ADCY5: variants seen among roughly 807,000 people sequenced by gnomAD.
ADCY5 encodes adenylate cyclase 5, also known as adenylate cyclase type 5.
A neutral mutation model predicts 119.7 loss-of-function variants in ADCY5; 30 were observed. The ratio of observed to expected loss-of-function variants is 0.25; its 90% CI spans 0.19 to 0.34. ADCY5 has a LOEUF of 0.34. ADCY5 is among the 10% of genes least tolerant of loss of function. The pLI is 1.00. For synonymous variants in ADCY5, 753 were observed against 762.2 expected (o/e 0.99, Z 0.20); for missense variants, 1,324 against 1,775.2 (o/e 0.75, Z 4.57).
intron 2 of ADCY5, among the ~76,000 whole-genome samples, chr3:123,349,432 C>T (rs1942730251): frequency 6.6e-6 from 1 of 152,196 alleles, no homozygotes; most frequent in East Asian, 1.9e-4. Flanking sequence ...TGCCCACATG[C>T]AGTTCTCGCC....
intron 1 of ADCY5, among the ~76,000 whole-genome samples, chr3:123,402,855 GA>G (rs79391092): frequency 0.022 from 2,299 of 104,092 alleles, 26 homozygotes; most frequent in Middle Eastern, 0.065. Flanking sequence ...TCAGTCTCAG[GA>G]AAAAAAAAAA....
intron 8 of ADCY5, among the ~76,000 whole-genome samples, chr3:123,321,563 G>A (rs752930770): frequency 6.6e-5 from 10 of 152,158 alleles, no homozygotes; most frequent in Non-Finnish European, 1.2e-4. Flanking sequence ...TGGTGCGGAA[G>A]GTGACAAGTA....
intron 1 of ADCY5, among the ~76,000 whole-genome samples, chr3:123,427,048 T>G (rs960505078): frequency 6.6e-6 from 1 of 152,142 alleles, no homozygotes; most frequent in Non-Finnish European, 1.5e-5. Flanking sequence ...ATCTCCTGAT[T>G]GGGGGACATT....
At chr3:123,388,189 T>C (rs1432656949) in intron 1 of ADCY5, among the ~76,000 whole-genome samples, 1 of 151,974 alleles carries the variant, frequency 6.6e-6, no homozygotes, top group Non-Finnish European at 1.5e-5. Flanking sequence ...CAGAGCTAAG[T>C]AAAAGGCTGC....
At position 123,300,177 on chromosome 3, in the gene ADCY5, T is replaced by G; in HGVS notation, c.2843A>C (p.Glu948Ala). 1 of 1,613,878 alleles carries G rather than the reference T, an allele frequency of 6.2e-7. No individual in the cohort carries two copies. Among genetic ancestry groups the G allele is most frequent in the Non-Finnish European group, 8.5e-7 (1 of 1,180,044 alleles). The change falls in exon 15 of 21, where the codon GAG becomes GCG. Residue 948 changes from glutamate to alanine, a missense_variant. Coordinates refer to ENST00000462833, the MANE Select transcript of ADCY5 (RefSeq NM_183357.3). Reference protein sequence around the residue: ...AIELIYVLIVEVPGVTLFDNA... With the variant: ...AIELIYVLIVAVPGVTLFDNA... Reference sequence around the variant, plus strand: ...GTCGAAGAGCGTGACACCTGGCACCTCCACGATGAGCACGTAGATGAGCTC... The same window carrying G: ...GTCGAAGAGCGTGACACCTGGCACCGCCACGATGAGCACGTAGATGAGCTC...
intron 3 of ADCY5, among the ~76,000 whole-genome samples, chr3:123,346,096 C>T (rs949261130): frequency 1.3e-5 from 2 of 152,316 alleles, no homozygotes; most frequent in East Asian, 1.9e-4. Flanking sequence ...GATGAACGCA[C>T]GTAGGGCGGT....
chr3:123,416,796 T>C (rs960163353), intron 1 of ADCY5, among the ~76,000 whole-genome samples: 1 of 152,084 alleles, frequency 6.6e-6, no homozygotes, highest in Admixed American at 6.5e-5. Context: ...TGTGTGTGTA[T>C]GCATGAGTGT....
rs997431873 is a variant in ADCY5 at position 123,323,735 on chromosome 3, C to T, written c.2088+1587G>A. Among the ~76,000 whole-genome samples, 4 of 152,294 alleles carry T rather than the reference C, an allele frequency of 2.6e-5. No homozygotes were observed. The South Asian group carries it at 8.3e-4, about 32-fold the overall frequency. On this transcript the variant is annotated intron_variant, in intron 8 of 20. Coordinates refer to ENST00000462833, the MANE Select transcript of ADCY5 (RefSeq NM_183357.3). The stretch of plus-strand genomic sequence containing the variant: ...AGTGCAGTGGCGTGATCATGGCTCA[C>T]TGCAACCTCAACCTCCTGGGCTCAA...
intron 1 of ADCY5, among the ~76,000 whole-genome samples, chr3:123,373,489 G>A (rs1040593718): frequency 6.6e-6 from 1 of 152,184 alleles, no homozygotes; most frequent in Non-Finnish European, 1.5e-5. Context: ...TGAAGGCCAC[G>A]GAAGGGACAG....
chr3:123,287,623 C>T (rs546632534), intron 19 of ADCY5, among the ~76,000 whole-genome samples: 3 of 152,320 alleles, frequency 2.0e-5, no homozygotes, highest in Admixed American at 1.3e-4. Context: ...TGGTGACCCT[C>T]ACTTGGTCAG....
At chr3:123,344,687 A>T (rs1402919333) in intron 3 of ADCY5, among the ~76,000 whole-genome samples, 1 of 152,106 alleles carries the variant, frequency 6.6e-6, no homozygotes, top group Non-Finnish European at 1.5e-5. Flanking sequence ...GGGTGTTTTT[A>T]AACTATGATG....
intron 1 of ADCY5, among the ~76,000 whole-genome samples, chr3:123,400,465 G>A (rs1011434532): frequency 1.3e-5 from 2 of 152,208 alleles, no homozygotes; most frequent in Non-Finnish European, 2.9e-5. Flanking sequence ...AGCCTTATGT[G>A]CAAAGACCTT....
chr3:123,359,278 C>T (rs538404703), intron 1 of ADCY5, among the ~76,000 whole-genome samples: 1 of 143,742 alleles, frequency 7.0e-6, no homozygotes, highest in East Asian at 2.0e-4. Flanking sequence ...ACAACACGTA[C>T]ATCTTTTAGT....
At chr3:123,396,532 A>AAAAGAAAGAAAGAAAGAAAGAAAGAAAG (rs370071235) in intron 1 of ADCY5, among the ~76,000 whole-genome samples, 36 of 137,896 alleles carry the variant, frequency 2.6e-4, no homozygotes, top group African/African-American at 1.0e-3. Flanking sequence ...AGAGAGAAAG[A>AAAAGAAAGAAAGAAAGAAAGAAAGAAAG]AAAGAAAGAA....
chr3:123,360,167 T>C (rs140767803), intron 1 of ADCY5, among the ~76,000 whole-genome samples: 1 of 152,236 alleles, frequency 6.6e-6, no homozygotes, highest in Non-Finnish European at 1.5e-5. Flanking sequence ...CTGTTATGTG[T>C]TTCTGGTAAT....
intron 2 of ADCY5, among the ~76,000 whole-genome samples, chr3:123,351,367 G>C (rs1942830919): frequency 6.6e-6 from 1 of 152,206 alleles, no homozygotes; most frequent in Admixed American, 6.5e-5. Flanking sequence ...CCAGCCTGGA[G>C]CCATGAGTGA....
intron 1 of ADCY5, among the ~76,000 whole-genome samples, chr3:123,436,335 T>C (rs1022903414): frequency 2.0e-5 from 3 of 152,166 alleles, no homozygotes; most frequent in African/African-American, 7.2e-5. Flanking sequence ...ATCATACCAC[T>C]GTACTCTAGC....
At chr3:123,299,638 A>G (rs1482580808) in intron 15 of ADCY5, among the ~76,000 whole-genome samples, 2 of 152,206 alleles carry the variant, frequency 1.3e-5, no homozygotes, top group African/African-American at 4.8e-5. Flanking sequence ...GGAGCCTTTG[A>G]GTAGTGCACA....
At chr3:123,317,451 T>C (rs1486688408) in intron 11 of ADCY5, among the ~76,000 whole-genome samples, 1 of 152,100 alleles carries the variant, frequency 6.6e-6, no homozygotes, top group Non-Finnish European at 1.5e-5. Context: ...AAGGCGTCTC[T>C]TGACCAGGCG....
Sources: gnomAD v4.1 joint callset for allele counts (sites outside exome capture counted in the v4.1 genomes callset) on GRCh38, gnomAD v4.1.1 for gene constraint, MANE v1.5 for transcripts, NCBI Gene and HGNC (gene_info 2026-07-23, HGNC 2026-07-21) for gene names.